Variants in LRTM1 observed in about 807,000 individuals in gnomAD.
LRTM1 encodes leucine-rich repeat and transmembrane domain-containing protein 1.
A neutral mutation model predicts 32.4 loss-of-function variants in LRTM1; 38 were observed. The ratio of observed to expected loss-of-function variants is 1.17; its 90% CI spans 0.91 to 1.54. LRTM1 has a LOEUF of 1.54. LRTM1 is among the 40% of genes most tolerant of loss of function. The pLI is 0.00. For synonymous variants in LRTM1, 186 were observed against 169.9 expected, an observed-to-expected ratio of 1.09 and a Z score of -0.74; for missense variants, 466 against 415.4, an observed-to-expected ratio of 1.12 and a Z score of -1.06.
upstream of LRTM1, among the ~76,000 whole-genome samples, chr3:54,930,142 C>T (rs9874271): frequency 0.026 from 3,987 of 152,244 alleles, 189 homozygotes; most frequent in African/African-American, 0.091. Context: ...TTTACAAAAA[C>T]AGGTAGAGGC....
At chr3:54,937,387 G>C (rs926808681) in intron 1 of LRTM1, among the ~76,000 whole-genome samples, 1 of 152,154 alleles carries the variant, frequency 6.6e-6, no homozygotes, top group Non-Finnish European at 1.5e-5. Flanking sequence ...GAGGGGGATT[G>C]GTTCCAGCAA....
At chr3:54,955,555 A>G (rs893652746) in intron 1 of LRTM1, among the ~76,000 whole-genome samples, 1 of 152,196 alleles carries the variant, frequency 6.6e-6, no homozygotes, top group Non-Finnish European at 1.5e-5. Context: ...ATACTAAGCT[A>G]GAGGAACGTT....
At chr3:54,934,642 G>A (rs1488739932) in intron 1 of LRTM1, among the ~76,000 whole-genome samples, 1 of 152,160 alleles carries the variant, frequency 6.6e-6, no homozygotes, top group Non-Finnish European at 1.5e-5. Flanking sequence ...CAGAGCCTAA[G>A]ACTTAGCCAG....
intron 1 of LRTM1, among the ~76,000 whole-genome samples, chr3:54,956,437 G>A (rs1701894884): frequency 6.6e-6 from 1 of 152,312 alleles, no homozygotes; most frequent in African/African-American, 2.4e-5. Flanking sequence ...TAACCTTCCT[G>A]TCTTTGTCTT....
rs11295270 is a variant in LRTM1, at chr3:54,946,817, T to TA, written c.-222+20110dup. On this transcript the variant is annotated intron_variant, in intron 1 of 2. Transcript: ENST00000493075. ...AACTTTGGAAGTAGATGTGGTTTAT[T>TA]AAAAAAAAAAAAAATGATGGGACCA... 5.3e-3 allele frequency among the ~76,000 whole-genome samples: 766 copies of TA among 145,534 alleles called. 7 individuals carry two copies. The highest frequency in any genetic ancestry group is 0.015 in the African/African-American group (606 of 39,978).
At chr3:54,940,501 G>A (rs752387014) in intron 1 of LRTM1, among the ~76,000 whole-genome samples, 4 of 152,248 alleles carry the variant, frequency 2.6e-5, no homozygotes, top group Admixed American at 6.5e-5. Context: ...TTCGGGCCAT[G>A]TGTTTTATTT....
At chr3:54,942,946 C>G (rs1000582851) in intron 1 of LRTM1, among the ~76,000 whole-genome samples, 4 of 152,096 alleles carry the variant, frequency 2.6e-5, no homozygotes, top group African/African-American at 9.7e-5. Context: ...ATTGCTTGAA[C>G]CCAGGAGGCG....
In LRTM1 at chr3:54,952,713, A is replaced by G. The variant is rs544321712; in HGVS notation, c.-222+14215T>C. ...TTCTGGTGCCCGCATAGTTCCCTCC[A>G]GCTTCCAGATGGGAAAGCTCTCTCA... On this transcript the variant is annotated intron_variant, in intron 1 of 2. Transcript: ENST00000493075. Among the ~76,000 whole-genome samples the G allele has an allele frequency of 9.2e-4, 140 of 152,300 alleles. 1 individual carries two copies. The highest frequency in any genetic ancestry group is 1.5e-3 in the Non-Finnish European group (103 of 68,032).
At chr3:54,920,639 CT>C (rs914799588) in intron 2 of LRTM1, among the ~76,000 whole-genome samples, 7 of 152,120 alleles carry the variant, frequency 4.6e-5, no homozygotes, top group African/African-American at 1.7e-4. Context: ...CCATAGGAGC[CT>C]CTGCCAGGAA....
intron 1 of LRTM1, among the ~76,000 whole-genome samples, chr3:54,953,730 C>G (rs1466609253): frequency 2.0e-5 from 3 of 152,182 alleles, no homozygotes; most frequent in Admixed American, 2.0e-4. Context: ...CTTGGGGCAA[C>G]CTCGGGCTCC....
Position 54,918,328 on chromosome 3 carries a change from T to TTTTC in LRTM1, c.*127_*130dup. On this transcript the variant is annotated 3_prime_UTR_variant, in exon 3 of 3. Transcript: ENST00000273286. ...TATTTTTTACAGACACATCTTTTTT[T>TTTTC]TTTCTTTTTTTTTTTTTTTTTTTTT... The TTTTC allele has an allele frequency of 1.1e-5, 4 of 351,948 alleles. No homozygotes were observed. The highest frequency in any genetic ancestry group is 1.3e-5 in the Non-Finnish European group (3 of 224,594). The allele number at this position is 351,948 out of a possible 1,614,324, so 21.8% of individuals were successfully genotyped here.
intron 1 of LRTM1, among the ~76,000 whole-genome samples, chr3:54,934,834 T>C (rs1245290327): frequency 6.6e-6 from 1 of 152,064 alleles, no homozygotes; most frequent in African/African-American, 2.4e-5. Context: ...AAGGTTCAAG[T>C]GATTCTCATG....
chr3:54,964,507 A>G (rs1372145043), intron 1 of LRTM1, among the ~76,000 whole-genome samples: 1 of 152,196 alleles, frequency 6.6e-6, no homozygotes. Flanking sequence ...ACTTAAATCA[A>G]TATACTGTTA....
chr3:54,927,804 A>G, intron 1 of LRTM1, 101 bp downstream of exon 1: 1 of 1,274,678 alleles, frequency 7.8e-7, no homozygotes, highest in Non-Finnish European at 1.1e-6. Flanking sequence ...GTCTTTTAAG[A>G]CAGACGACTT....
At chr3:54,949,931 A>G (rs1284133116) in intron 1 of LRTM1, among the ~76,000 whole-genome samples, 2 of 152,200 alleles carry the variant, frequency 1.3e-5, no homozygotes, top group Non-Finnish European at 2.9e-5. Context: ...GCCACCCCAA[A>G]TAATGTTTCT....
At chr3:54,955,654 G>T (rs1701868897) in intron 1 of LRTM1, among the ~76,000 whole-genome samples, 1 of 152,134 alleles carries the variant, frequency 6.6e-6, no homozygotes, top group Non-Finnish European at 1.5e-5. Flanking sequence ...AATGTTGGTG[G>T]AATGGAGAAA....
intron 2 of LRTM1, among the ~76,000 whole-genome samples, chr3:54,924,371 T>C (rs1251069584): frequency 6.6e-6 from 1 of 152,206 alleles, no homozygotes; most frequent in Non-Finnish European, 1.5e-5. Flanking sequence ...TAACTTCTTG[T>C]TATATTAATT....
intron 1 of LRTM1, among the ~76,000 whole-genome samples, chr3:54,952,557 A>T (rs1211853091): frequency 1.3e-5 from 2 of 152,240 alleles, no homozygotes; most frequent in Non-Finnish European, 2.9e-5. Flanking sequence ...AATCTTTTCT[A>T]TAGGGACAGG....
intron 1 of LRTM1, among the ~76,000 whole-genome samples, chr3:54,952,776 C>A (rs1003180261): frequency 6.6e-6 from 1 of 152,144 alleles, no homozygotes; most frequent in Non-Finnish European, 1.5e-5. Flanking sequence ...ACCTCAATGC[C>A]CTCAGCTGTA....
Sources: gnomAD v4.1 joint callset for allele counts (sites outside exome capture counted in the v4.1 genomes callset) on GRCh38, gnomAD v4.1.1 for gene constraint, MANE v1.5 for transcripts, NCBI Gene and HGNC (gene_info 2026-07-23, HGNC 2026-07-21) for gene names.